MLLT3: variants seen among roughly 807,000 people sequenced by gnomAD.
The protein encoded by MLLT3 is protein AF-9.
A neutral mutation model predicts 53.2 loss-of-function variants in MLLT3; 4 were observed. That is an observed-to-expected ratio of 0.08 (90% confidence interval 0.04 to 0.17). The LOEUF (loss-of-function observed/expected upper bound fraction) is 0.17, where lower values mean the gene tolerates loss of function less well. MLLT3 is among the 10% of genes least tolerant of loss of function. MLLT3 has a pLI of 1.00. For missense variants in MLLT3, 569 were observed against 684.0 expected (o/e 0.83, Z 1.87); for synonymous variants, 283 against 230.6 (o/e 1.23, Z -2.06).
At chr9:20,416,078 A>T (rs1326281921) in intron 4 of MLLT3, among the ~76,000 whole-genome samples, 1 of 152,042 alleles carries the variant, frequency 6.6e-6, no homozygotes, top group Admixed American at 6.5e-5. Flanking sequence ...GATAGGATTC[A>T]TATTACTAAA....
chr9:20,562,907 C>T (rs1433052923), intron 2 of MLLT3, among the ~76,000 whole-genome samples: 5 of 152,130 alleles, frequency 3.3e-5, no homozygotes, highest in African/African-American at 1.2e-4. Flanking sequence ...ACACTAGGTC[C>T]CAGAGCATTC....
chr9:20,511,860 G>A (rs1163535776), intron 2 of MLLT3, among the ~76,000 whole-genome samples: 1 of 152,030 alleles, frequency 6.6e-6, no homozygotes, highest in Non-Finnish European at 1.5e-5. Context: ...GGCAGAGAAG[G>A]GCAACAGTAG....
At chr9:20,617,848 T>C (rs1056638770) in intron 2 of MLLT3, among the ~76,000 whole-genome samples, 1 of 152,192 alleles carries the variant, frequency 6.6e-6, no homozygotes, top group Non-Finnish European at 1.5e-5. Flanking sequence ...TCCAATTAGC[T>C]CAATTCTGAA....
At chr9:20,463,121 T>C (rs1324495269) in intron 2 of MLLT3, among the ~76,000 whole-genome samples, 2 of 152,126 alleles carry the variant, frequency 1.3e-5, no homozygotes, top group Non-Finnish European at 2.9e-5. Context: ...GAATTTGAAA[T>C]GTTACAGAGA....
At chr9:20,347,895 G>A (rs573575867) in intron 10 of MLLT3, among the ~76,000 whole-genome samples, 1 of 152,288 alleles carries the variant, frequency 6.6e-6, no homozygotes, top group African/African-American at 2.4e-5. Context: ...CTGAGTAACA[G>A]CAGAACTGAA....
chr9:20,572,742 C>T (rs1450907824), intron 2 of MLLT3, among the ~76,000 whole-genome samples: 1 of 152,146 alleles, frequency 6.6e-6, no homozygotes, highest in South Asian at 2.1e-4. Flanking sequence ...TGCAGTGAGC[C>T]GAGATTGCAC....
intron 5 of MLLT3, among the ~76,000 whole-genome samples, chr9:20,410,339 CATT>C (rs1822696737): frequency 6.6e-6 from 1 of 152,114 alleles, no homozygotes; most frequent in African/African-American, 2.4e-5. Flanking sequence ...AGCTAACTTA[CATT>C]TTTTTTATTA....
At chr9:20,523,687 G>C (rs1412130859) in intron 2 of MLLT3, among the ~76,000 whole-genome samples, 1 of 152,074 alleles carries the variant, frequency 6.6e-6, no homozygotes. Context: ...AAAGATCAAT[G>C]GGCCGGATGG....
intron 2 of MLLT3, among the ~76,000 whole-genome samples, chr9:20,475,668 A>G (rs1824502327): frequency 6.6e-6 from 1 of 152,132 alleles, no homozygotes. Context: ...TCCCCGGGTC[A>G]GGAATGGAAG....
chr9:20,604,943 C>G (rs139640176), intron 2 of MLLT3, among the ~76,000 whole-genome samples: 1 of 151,930 alleles, frequency 6.6e-6, no homozygotes, highest in Admixed American at 6.6e-5. Context: ...CTTTTAAATA[C>G]TGGCTACACA....
At chr9:20,498,884 G>GTAT (rs1825149368) in intron 2 of MLLT3, among the ~76,000 whole-genome samples, 1 of 152,160 alleles carries the variant, frequency 6.6e-6, no homozygotes, top group African/African-American at 2.4e-5. Context: ...TACTGCCTTA[G>GTAT]TATTAGTGTA....
chr9:20,512,000 C>T lies in MLLT3; in HGVS notation c.194-55214G>A, dbSNP rs565573140. Among the ~76,000 whole-genome samples, 4 of 152,196 alleles carry T rather than the reference C, an allele frequency of 2.6e-5. No individual in the cohort carries two copies. In the South Asian group the frequency reaches 8.3e-4, roughly 32 times the overall value. The stretch of plus-strand genomic sequence containing the variant: ...TCCCTGAGTAGGAGAGGCATAAAGC[C>T]TAGTTGACCTTGCTGGAGCAATAAA... On this transcript the variant is annotated intron_variant, in intron 2 of 10. Coordinates refer to ENST00000380338, the MANE Select transcript of MLLT3 (RefSeq NM_004529.4).
intron 5 of MLLT3, among the ~76,000 whole-genome samples, chr9:20,374,154 A>C (rs1329412636): frequency 1.3e-5 from 2 of 152,194 alleles, no homozygotes; most frequent in Non-Finnish European, 2.9e-5. Flanking sequence ...AGGCCAAGGC[A>C]GGAAGATTGT....
intron 10 of MLLT3, 125 bp downstream of exon 10, chr9:20,353,400 C>T (rs1466602249): frequency 1.3e-6 from 1 of 781,616 alleles, no homozygotes; most frequent in South Asian, 1.5e-5. Context: ...AATACATCTA[C>T]AGGTGGCATT....
intron 2 of MLLT3, among the ~76,000 whole-genome samples, chr9:20,494,532 TC>T (rs1825029126): frequency 6.6e-6 from 1 of 152,208 alleles, no homozygotes; most frequent in Non-Finnish European, 1.5e-5. Flanking sequence ...CAATGATATT[TC>T]CCAAATATAA....
chr9:20,401,532 C>A (rs1221296857), intron 5 of MLLT3, among the ~76,000 whole-genome samples: 1 of 152,136 alleles, frequency 6.6e-6, no homozygotes, highest in South Asian at 2.1e-4. Context: ...CCAGCCCCTT[C>A]CTGTCTTTGT....
intron 2 of MLLT3, among the ~76,000 whole-genome samples, chr9:20,532,139 A>G (rs1461505175): frequency 6.6e-6 from 1 of 152,148 alleles, no homozygotes; most frequent in Non-Finnish European, 1.5e-5. Flanking sequence ...AAACCTTATC[A>G]GCCATCATTT....
intron 2 of MLLT3, among the ~76,000 whole-genome samples, chr9:20,528,934 A>G (rs1032811787): frequency 3.3e-5 from 5 of 152,204 alleles, no homozygotes; most frequent in Admixed American, 6.5e-5. Context: ...CCAACTGTAG[A>G]CAGGGTAGGG....
chr9:20,392,862 C>T (rs1413753615), intron 5 of MLLT3, among the ~76,000 whole-genome samples: 1 of 152,160 alleles, frequency 6.6e-6, no homozygotes, highest in Non-Finnish European at 1.5e-5. Context: ...TCCTCTTCTA[C>T]CTTATCCTAA....
Sources: gnomAD v4.1 joint callset for allele counts (sites outside exome capture counted in the v4.1 genomes callset) on GRCh38, gnomAD v4.1.1 for gene constraint, MANE v1.5 for transcripts, NCBI Gene and HGNC (gene_info 2026-07-23, HGNC 2026-07-21) for gene names.